The following THRB variants were observed in gnomAD, a reference collection of about 807,000 sequenced individuals.
THRB encodes thyroid hormone receptor beta, also known as nuclear receptor subfamily 1 group A member 2.
In THRB, 12 loss-of-function variants were observed where a neutral mutation model predicts 47.8. The observed-to-expected ratio is 0.25, with a 90% CI of 0.16 to 0.41. The LOEUF is 0.41. Among genes scored for constraint, THRB ranks in the 10% least tolerant of loss-of-function variants. The pLI, the probability that THRB is intolerant of heterozygous loss-of-function variation, is 1.00. For synonymous variants in THRB, 218 were observed against 212.2 expected (o/e 1.03, Z -0.24); for missense variants, 348 against 589.2 (o/e 0.59, Z 4.24).
chr3:24,306,688 C>T (rs2057362420), intron 2 of THRB, among the ~76,000 whole-genome samples: 2 of 152,074 alleles, frequency 1.3e-5, no homozygotes, highest in Non-Finnish European at 2.9e-5. Context: ...AAGTGTTAGG[C>T]TTACACCCTC....
intron 3 of THRB, among the ~76,000 whole-genome samples, chr3:24,242,627 A>C (rs34158870): frequency 0.14 from 20,634 of 152,216 alleles, 1,561 homozygotes; most frequent in Middle Eastern, 0.24. Flanking sequence ...AATGCCTGGC[A>C]CACTGTCACT....
At chr3:24,280,671 A>G (rs1448626048) in intron 3 of THRB, among the ~76,000 whole-genome samples, 4 of 152,198 alleles carry the variant, frequency 2.6e-5, no homozygotes, top group South Asian at 2.1e-4. Context: ...CCAAAGGCAA[A>G]TAAGTTGAAA....
intron 10 of THRB, 51 bp from the exon 11 acceptor site, chr3:24,123,176 G>C (rs1253265779): frequency 6.8e-6 from 11 of 1,610,872 alleles, no homozygotes; most frequent in Admixed American, 6.7e-5. Flanking sequence ...AAGGGGGAAG[G>C]CTTGCTTTGT....
At position 24,310,579 on chromosome 3, in the gene THRB, A is replaced by G. The variant is rs567298050; in HGVS notation, c.-188-13208T>C. Among the ~76,000 whole-genome samples, 431 of 152,270 alleles carry G rather than the reference A, an allele frequency of 2.8e-3. 1 individual carries two copies. The highest frequency in any genetic ancestry group is 6.0e-3 in the South Asian group (29 of 4,828). On this transcript the variant is annotated intron_variant, in intron 2 of 10. Coordinates refer to ENST00000646209, the MANE Select transcript of THRB (RefSeq NM_001354712.2). The stretch of plus-strand genomic sequence containing the variant: ...TCCGGGTTGGGGTCATAGAATTTGC[A>G]GTTCTAACAAGTTTTTAGGTGATGC...
rs2031951092 is a variant in THRB, at chr3:24,122,917, G to A, written c.1353C>T (p.Phe451=). The A allele has an allele frequency of 1.9e-6, 3 of 1,614,196 alleles. No homozygotes were observed. Among genetic ancestry groups the A allele is most frequent in the Non-Finnish European group, 2.5e-6 (3 of 1,180,034 alleles). The part of the protein sequence containing the change: ...HMKVECPTEL[F]PPLFLEVFED ...CGAACACTTCCAAGAACAAAGGGGG[G>A]AAGAGTTCTGTGGGGCATTCCACCT... Residue 451 remains phenylalanine (F), a synonymous_variant, in exon 11 of 11, where the codon TTC becomes TTT. Coordinates refer to ENST00000646209, the MANE Select transcript of THRB (RefSeq NM_001354712.2).
chr3:24,415,100 T>C (rs2068631459), intron 1 of THRB, among the ~76,000 whole-genome samples: 1 of 151,836 alleles, frequency 6.6e-6, no homozygotes, highest in South Asian at 2.1e-4. Flanking sequence ...AGTCTCTTGC[T>C]GCATCAAAGG....
At chr3:24,229,116 C>T (rs986450646) in intron 3 of THRB, 115 bp from the exon 4 acceptor site, 2 of 697,700 alleles carry the variant, frequency 2.9e-6, no homozygotes, top group Admixed American at 2.3e-5. Context: ...TTGTTACTCT[C>T]AACTCAGAAC....
chr3:24,437,348 G>C (rs1259539282), intron 1 of THRB, among the ~76,000 whole-genome samples: 1 of 151,910 alleles, frequency 6.6e-6, no homozygotes, highest in African/African-American at 2.4e-5. Context: ...TCTCATGGAG[G>C]AAGACAGCAG....
intron 2 of THRB, among the ~76,000 whole-genome samples, chr3:24,306,646 A>G (rs1348488355): frequency 6.6e-6 from 1 of 152,038 alleles, no homozygotes. Flanking sequence ...TTTCTAAGGC[A>G]TAGCATACTT....
At chr3:24,205,477 C>A (rs1268338453) in intron 4 of THRB, among the ~76,000 whole-genome samples, 1 of 152,126 alleles carries the variant, frequency 6.6e-6, no homozygotes, top group Non-Finnish European at 1.5e-5. Flanking sequence ...ACCAGGCCTG[C>A]CCTACAAGAG....
At chr3:24,266,117 G>A (rs557717569) in intron 3 of THRB, among the ~76,000 whole-genome samples, 1 of 152,280 alleles carries the variant, frequency 6.6e-6, no homozygotes, top group East Asian at 1.9e-4. Context: ...AATTGATAGG[G>A]TTTTTGAGAT....
intron 5 of THRB, among the ~76,000 whole-genome samples, chr3:24,180,209 T>TATC (rs1326579470): frequency 3.9e-5 from 6 of 152,230 alleles, no homozygotes; most frequent in African/African-American, 1.4e-4. Context: ...GCTGAATACA[T>TATC]ATCTTTTCAT....
chr3:24,464,776 T>C (rs1390238401), intron 1 of THRB, among the ~76,000 whole-genome samples: 1 of 152,208 alleles, frequency 6.6e-6, no homozygotes, highest in African/African-American at 2.4e-5. Flanking sequence ...ACATTTTATT[T>C]CTGTAGAGAT....
intron 2 of THRB, among the ~76,000 whole-genome samples, 185 bp from the exon 3 acceptor site, chr3:24,297,556 T>G (rs1176953674): frequency 6.6e-6 from 1 of 152,196 alleles, no homozygotes; most frequent in Non-Finnish European, 1.5e-5. Context: ...CAGAAACATA[T>G]AGTAAGCACT....
chr3:24,313,167 TC>T (rs2057874953), intron 2 of THRB, among the ~76,000 whole-genome samples: 1 of 152,150 alleles, frequency 6.6e-6, no homozygotes. Flanking sequence ...TTTTCAAGGC[TC>T]AGCTCAGTCC....
intron 4 of THRB, among the ~76,000 whole-genome samples, chr3:24,197,749 A>G (rs2149688293): frequency 6.6e-6 from 1 of 152,382 alleles, no homozygotes; most frequent in East Asian, 1.9e-4. Flanking sequence ...AGGCAGAGTC[A>G]GCCATAACTG....
chr3:24,213,591 T>C (rs2046279118), intron 4 of THRB, among the ~76,000 whole-genome samples: 1 of 152,098 alleles, frequency 6.6e-6, no homozygotes. Context: ...GACAATACAA[T>C]CAGATGTATT....
chr3:24,194,004 C>G (rs564325203), intron 4 of THRB, among the ~76,000 whole-genome samples: 1 of 152,180 alleles, frequency 6.6e-6, no homozygotes, highest in Admixed American at 6.5e-5. Flanking sequence ...GACTATTATT[C>G]TAAGTGAAGT....
Position 24,312,067 on chromosome 3 carries a change from T to C in THRB, c.-188-14696A>G, listed in dbSNP as rs114940387. 4.7e-3 allele frequency among the ~76,000 whole-genome samples: 709 copies of C among 152,340 alleles called. 2 individuals are homozygous for C. Among genetic ancestry groups the C allele is most frequent in the Middle Eastern group, 0.014 (4 of 294 alleles). On this transcript the variant is annotated intron_variant, in intron 2 of 10. Coordinates refer to ENST00000646209, the MANE Select transcript of THRB (RefSeq NM_001354712.2). Reference sequence around the variant, plus strand: ...TTTTCCTTAACACTGTGTTTTTGCATGTGCTGTTTCCCCTGCCAAGAAAAC... The same window carrying C: ...TTTTCCTTAACACTGTGTTTTTGCACGTGCTGTTTCCCCTGCCAAGAAAAC...
Sources: gnomAD v4.1 joint callset for allele counts (sites outside exome capture counted in the v4.1 genomes callset) on GRCh38, gnomAD v4.1.1 for gene constraint, MANE v1.5 for transcripts, NCBI Gene and HGNC (gene_info 2026-07-23, HGNC 2026-07-21) for gene names.